The following CFLAR variants were observed in gnomAD, a reference collection of about 807,000 sequenced individuals.
The protein encoded by CFLAR is CASP8 and FADD like apoptosis regulator.
CFLAR carries 14 observed loss-of-function variants against 51.1 expected under a neutral mutation model. The observed-to-expected ratio is 0.27, with a 90% CI of 0.18 to 0.43. The LOEUF (loss-of-function observed/expected upper bound fraction) is 0.43, where lower values mean the gene tolerates loss of function less well. Ranked by LOEUF, CFLAR falls within the 20% of genes least tolerant of loss-of-function variation. CFLAR has a pLI of 1.00. For missense variants in CFLAR, 390 were observed against 566.5 expected, an observed-to-expected ratio of 0.69 and a Z score of 3.16; for synonymous variants, 210 against 211.6, an observed-to-expected ratio of 0.99 and a Z score of 0.06.
intron 8 of CFLAR, among the ~76,000 whole-genome samples, chr2:201,157,478 A>G (rs1942370159): frequency 6.6e-6 from 1 of 151,564 alleles, no homozygotes; most frequent in Non-Finnish European, 1.5e-5. Flanking sequence ...TGCTCAAGAG[A>G]TCCTCCTGCC....
At chr2:201,129,544 T>G (rs995027833) in intron 1 of CFLAR, 185 bp from the exon 2 acceptor site, 4 of 406,204 alleles carry the variant, frequency 9.8e-6, no homozygotes, top group Non-Finnish European at 1.3e-5. Flanking sequence ...TCTGTCTTTT[T>G]GGATTAGTCT....
At chr2:201,161,415 TA>T (rs200292568) in intron 9 of CFLAR, among the ~76,000 whole-genome samples, 46,117 of 145,510 alleles carry the variant, frequency 0.32, 7,954 homozygotes, top group Non-Finnish European at 0.4. Context: ...TATTTATTTT[TA>T]TTTATTTTTT....
chr2:201,160,829 A>C lies in CFLAR; in HGVS notation c.1191A>C (p.Arg397=). The change falls in exon 9 of 10, where the codon CGA becomes CGC. Residue 397 remains arginine (R), a synonymous_variant. Coordinates refer to ENST00000309955, the MANE Select transcript of CFLAR (RefSeq NM_003879.7). ...AGCGAGGGCTGTGCACAGTTCACCG[A>C]GAAGCTGACTTCTTCTGGAGCCTGT... ...AQKRGLCTVH[R]EADFFWSLCT... is the part of the protein sequence containing the mutation. The C allele has an allele frequency of 1.2e-6, 2 of 1,614,080 alleles. No individual in the cohort carries two copies. The highest frequency in any genetic ancestry group is 1.7e-6 in the Non-Finnish European group (2 of 1,179,962).
Position 201,169,143 on chromosome 2 carries a change from C to T in CFLAR, c.*5170C>T, listed in dbSNP as rs1359894902. On this transcript the variant is annotated 3_prime_UTR_variant, in exon 10 of 10. Coordinates refer to ENST00000309955, the MANE Select transcript of CFLAR (RefSeq NM_003879.7). The stretch of plus-strand genomic sequence containing the variant: ...ATTCAAATGGAACCAAAAAAGAGCC[C>T]GTATAACCAAGACAACAATAAGCAA... 3.9e-5 allele frequency: 6 copies of T among 152,008 alleles called. No homozygotes were observed. Among genetic ancestry groups the T allele is most frequent in the African/African-American group, 9.7e-5 (4 of 41,348 alleles). 9.4% of individuals were successfully genotyped at this position (152,008 alleles called of 1,614,324 possible). A position where few individuals can be genotyped will look rare whatever the true frequency, so the allele number is the denominator to read the frequency against.
intron 9 of CFLAR, chr2:201,163,292 T>C (rs546178617): frequency 1.3e-4 from 164 of 1,275,182 alleles, no homozygotes; most frequent in Non-Finnish European, 1.6e-4. Context: ...CTGGTTTCCA[T>C]TTAAGCTGAA....
rs1479972120 is a variant in CFLAR, at chr2:201,136,124, C to T, written c.523+17C>T. 6.2e-7 allele frequency: 1 copy of T among 1,612,554 alleles called. No homozygotes were observed. Among genetic ancestry groups the T allele is most frequent in the African/African-American group, 1.3e-5 (1 of 74,942 alleles). ...AGCAGTCTGGTAAGAATTTTGGCCT[C>T]TCAGTGGTCTAGGGGAAGTACTCTG... On this transcript the variant is annotated intron_variant, in intron 4 of 9. Transcript: ENST00000309955.
At position 201,165,012 on chromosome 2, in the gene CFLAR, C is replaced by G. The variant is rs1943401672; in HGVS notation, c.*1039C>G. 6.6e-6 allele frequency: 1 copy of G among 152,072 alleles called. No homozygotes were observed. Among genetic ancestry groups the G allele is most frequent in the African/African-American group, 2.4e-5 (1 of 41,404 alleles). The allele number at this position is 152,072 out of a possible 1,614,324, so 9.4% of individuals were successfully genotyped here. On this transcript the variant is annotated 3_prime_UTR_variant, in exon 10 of 10. Transcript: ENST00000309955. ...GGCTCTACCCTCATCACCTAATTAC[C>G]TCCCAAAGGCCCCACCTTCTGATAC...
intron 9 of CFLAR, chr2:201,163,569 C>T (rs1024028139): frequency 4.0e-6 from 5 of 1,234,574 alleles, no homozygotes; most frequent in African/African-American, 1.5e-5. Context: ...TGAGCCCATC[C>T]CCATTTGCAT....
intron 4 of CFLAR, 132 bp downstream of exon 4, chr2:201,136,239 T>C (rs2050092916): frequency 6.2e-7 from 1 of 1,606,658 alleles, no homozygotes; most frequent in East Asian, 2.2e-5. Context: ...CTCCTTTAGC[T>C]TGTGGCTAGA....
At chr2:201,137,353 G>A (rs1264693729) in intron 4 of CFLAR, 3 of 344,536 alleles carry the variant, frequency 8.7e-6, no homozygotes, top group Non-Finnish European at 1.7e-5. Context: ...TGCCCAGCAA[G>A]GGGGGCTGCA....
chr2:201,122,522 A>C (rs763059406), intron 1 of CFLAR: 3 of 152,244 alleles, frequency 2.0e-5, no homozygotes, highest in Non-Finnish European at 2.9e-5. Flanking sequence ...TGAGATTGGC[A>C]GCCCTGGCCA....
intron 8 of CFLAR, among the ~76,000 whole-genome samples, chr2:201,152,208 T>G (rs1252692635): frequency 6.6e-6 from 1 of 152,194 alleles, no homozygotes; most frequent in African/African-American, 2.4e-5. Context: ...TTGGCCAGGC[T>G]GGTCTCGAAC....
At chr2:201,136,360 A>C (rs764074315) in intron 4 of CFLAR, 1 of 1,598,498 alleles carries the variant, frequency 6.3e-7, no homozygotes, top group Admixed American at 1.7e-5. Flanking sequence ...TCAGTCTTCA[A>C]GAAAGAATCT....
chr2:201,158,849 C>CATTATT (rs201037431), intron 8 of CFLAR, among the ~76,000 whole-genome samples: 27,510 of 142,790 alleles, frequency 0.19, 2,769 homozygotes, highest in Non-Finnish European at 0.22. Context: ...CATTTGCCCT[C>CATTATT]ATCATTATTA....
In CFLAR at chr2:201,170,400, A is replaced by G. The variant is rs538840611; in HGVS notation, c.*6427A>G. 3.8e-5 allele frequency: 5 copies of G among 130,858 alleles called. No homozygotes were observed. In the South Asian group the frequency reaches 6.8e-4, roughly 18 times the overall value. The allele number at this position is 130,858 out of a possible 1,614,324, so 8.1% of individuals were successfully genotyped here. ...CTGGCCATGTTTCTATTTTAAATTC[A>G]TAAAGAATTCTAACAAGAGGAATTC... On this transcript the variant is annotated 3_prime_UTR_variant, in exon 10 of 10. Transcript: ENST00000309955.
At chr2:201,149,998 T>C in intron 8 of CFLAR, 163 bp downstream of exon 8, 1 of 567,936 alleles carries the variant, frequency 1.8e-6, no homozygotes. Flanking sequence ...TTCCAGCACT[T>C]TGTGAGGCTG....
rs1575687026 is a variant in CFLAR at position 201,136,441 on chromosome 2, G to C, written c.523+334G>C. ...CATGTATGCTGAACCCTACTGCCTTGCTCTGGTATTTGGCCTCACAACCAC... is the reference window on the plus strand; with the variant it reads ...CATGTATGCTGAACCCTACTGCCTTCCTCTGGTATTTGGCCTCACAACCAC... On this transcript the variant is annotated intron_variant, in intron 4 of 9. Coordinates refer to ENST00000309955, the MANE Select transcript of CFLAR (RefSeq NM_003879.7). 1.3e-5 allele frequency: 20 copies of C among 1,598,172 alleles called. No homozygotes were observed. In the East Asian group the frequency reaches 4.2e-4, roughly 34 times the overall value.
At chr2:201,123,393 G>A (rs889919689) in intron 1 of CFLAR, among the ~76,000 whole-genome samples, 2 of 152,196 alleles carry the variant, frequency 1.3e-5, no homozygotes, top group Non-Finnish European at 2.9e-5. Context: ...GGAAGTCCAA[G>A]ATCAAGGTGC....
Position 201,138,547 on chromosome 2 carries a change from G to A in CFLAR, c.524-1810G>A. The A allele has an allele frequency of 6.3e-7, 1 of 1,584,928 alleles. No homozygotes were observed. Among genetic ancestry groups the A allele is most frequent in the Non-Finnish European group, 8.6e-7 (1 of 1,166,346 alleles). On this transcript the variant is annotated intron_variant, in intron 4 of 9. Coordinates refer to ENST00000309955, the MANE Select transcript of CFLAR (RefSeq NM_003879.7). The surrounding 1 kb of genome is among the most constrained non-coding windows in gnomAD (Gnocchi z 4.0). ...ATCACCTCACTGAGGAGGGTGGTGT[G>A]GTCCTTCTCAGCAAGAAAGTCGATG... is the stretch of plus-strand genomic sequence containing the variant.
Sources: gnomAD v4.1 joint callset for allele counts (sites outside exome capture counted in the v4.1 genomes callset) on GRCh38, gnomAD v4.1.1 for gene constraint, Gnocchi (gnomAD v3.1) non-coding constraint, MANE v1.5 for transcripts, NCBI Gene and HGNC (gene_info 2026-07-23, HGNC 2026-07-21) for gene names.